Variants in PEF1 observed in about 807,000 individuals in gnomAD.
PEF1 encodes peflin.
PEF1 carries 17 observed loss-of-function variants against 32.0 expected under a neutral mutation model. The ratio of observed to expected loss-of-function variants is 0.53; its 90% CI spans 0.36 to 0.80. The LOEUF is 0.80. Ranked by LOEUF, PEF1 falls within the 30% of genes least tolerant of loss-of-function variation. PEF1 has a pLI of 0.00. For synonymous variants in PEF1, 130 were observed against 139.8 expected (o/e 0.93, Z 0.50); for missense variants, 362 against 369.1 (o/e 0.98, Z 0.16).
intron 1 of PEF1, chr1:31,644,629 G>A (rs1640502640): frequency 4.8e-6 from 7 of 1,445,306 alleles, no homozygotes; most frequent in Non-Finnish European, 6.4e-6. Flanking sequence ...GACGTCAAGG[G>A]GGCGCGACAC....
intron 1 of PEF1, among the ~76,000 whole-genome samples, chr1:31,640,270 C>A (rs1200105335): frequency 6.6e-6 from 1 of 152,154 alleles, no homozygotes; most frequent in Non-Finnish European, 1.5e-5. Flanking sequence ...AGTGTCATCT[C>A]CATTTTGCAG....
chr1:31,642,769 G>A (rs1640434521), intron 1 of PEF1, among the ~76,000 whole-genome samples: 1 of 152,160 alleles, frequency 6.6e-6, no homozygotes, highest in East Asian at 1.9e-4. Context: ...ACCAGACACT[G>A]GCATGTACTA....
At chr1:31,634,978 C>A in intron 2 of PEF1, 1 of 665,310 alleles carries the variant, frequency 1.5e-6, no homozygotes, top group Non-Finnish European at 2.8e-6. Flanking sequence ...AGAAACTCAA[C>A]AGCCAGCTAA....
chr1:31,631,209 G>C (rs149931616), intron 4 of PEF1, among the ~76,000 whole-genome samples: 14 of 152,366 alleles, frequency 9.2e-5, no homozygotes, highest in African/African-American at 3.4e-4. Context: ...AGACATCAGA[G>C]GCAGTACAGC....
chr1:31,635,517 G>C lies in PEF1; in HGVS notation c.30C>G (p.Cys10Trp). The C allele has an allele frequency of 6.6e-7, 1 of 1,511,272 alleles. No homozygotes were observed. Among genetic ancestry groups the C allele is most frequent in the Non-Finnish European group, 8.8e-7 (1 of 1,130,402 alleles). 93.6% of individuals were successfully genotyped at this position (1,511,272 alleles called of 1,614,324 possible). MASYPYRQG[C>W]PGAAGQAPGA... Reference sequence around the variant, plus strand: ...CTGGTGCTTGTCCTGCAGCTCCTGGGCAGCCCTGCAGGAAGAGCAAGATAT... The same window carrying C: ...CTGGTGCTTGTCCTGCAGCTCCTGGCCAGCCCTGCAGGAAGAGCAAGATAT... The change falls in exon 2 of 5, where the codon TGC becomes TGG. Residue 10 changes from cysteine to tryptophan, a missense_variant. Transcript: ENST00000373703.
intron 2 of PEF1, 72 bp downstream of exon 2, chr1:31,635,150 G>A: frequency 4.5e-6 from 7 of 1,562,834 alleles, no homozygotes; most frequent in East Asian, 2.2e-5. Flanking sequence ...ACACCCACAG[G>A]AAGGACAAAG....
chr1:31,641,052 C>G (rs151320573), intron 1 of PEF1, among the ~76,000 whole-genome samples: 15 of 152,264 alleles, frequency 9.9e-5, no homozygotes, highest in African/African-American at 2.6e-4. Flanking sequence ...AACAATGAGC[C>G]AAGAACCATC....
chr1:31,635,298 A>G lies in PEF1; in HGVS notation c.249T>C (p.Gly83=), dbSNP rs775042680. 1.9e-6 allele frequency: 3 copies of G among 1,613,926 alleles called. No homozygotes were observed. In the African/African-American group the frequency reaches 4.0e-5, roughly 22 times the overall value. ...PSGTPGGPYG[G]AAPGGPYGQP... ...GACCATAGGGGCCCCCGGGAGCTGC[A>G]CCGCCATATGGTCCTCCTGGAGTTC... The change falls in exon 2 of 5, where the codon GGT becomes GGC. Residue 83 remains glycine (G), a synonymous_variant. Coordinates refer to ENST00000373703, the MANE Select transcript of PEF1 (RefSeq NM_012392.4).
chr1:31,635,545 G>C (rs1199297005), intron 1 of PEF1, 23 bp from the exon 2 acceptor site: 6 of 1,505,174 alleles, frequency 4.0e-6, no homozygotes, highest in Non-Finnish European at 5.3e-6. Context: ...CAAGATATCA[G>C]TCAGAATGAT....
rs1417544737 is a variant in PEF1 at position 31,635,468 on chromosome 1, G to T, written c.79C>A (p.Pro27Thr). ...APGAPPGSYY[P>T]GPPNSGGQYG... ...TGCCCTCCACTATTGGGGGGTCCAG[G>T]GTAGTAGCTACCCGGAGGGGCTCCT... Residue 27 changes from proline (P) to threonine (T), a missense_variant, in exon 2 of 5, where the codon CCT becomes ACT. By Grantham distance (38) the Pro-to-Thr change is conservative (BLOSUM62 -1). Transcript: ENST00000373703. 3 of 1,556,836 alleles carry T rather than the reference G, an allele frequency of 1.9e-6. No individual in the cohort carries two copies. The highest frequency in any genetic ancestry group is 2.6e-6 in the Non-Finnish European group (3 of 1,150,326).
Position 31,634,857 on chromosome 1 carries a change from T to G in PEF1, c.325+365A>C, listed in dbSNP as rs531232240. On this transcript the variant is annotated intron_variant, in intron 2 of 4. Transcript: ENST00000373703. ...ACTTCAGAGAAGCTTTAAGAGGCAT[T>G]GTGCATTCTTGCTAGCTCTCCTGCT... is the stretch of plus-strand genomic sequence containing the variant. 3.0e-5 allele frequency: 14 copies of G among 472,486 alleles called. No individual in the cohort carries two copies. The East Asian group carries it at 6.5e-4, about 22-fold the overall frequency. 29.3% of individuals were successfully genotyped at this position (472,486 alleles called of 1,614,324 possible). A position where few individuals can be genotyped will look rare whatever the true frequency, so the allele number is the denominator to read the frequency against.
chr1:31,636,703 A>G (rs1640262505), intron 1 of PEF1, among the ~76,000 whole-genome samples: 1 of 152,240 alleles, frequency 6.6e-6, no homozygotes, highest in Non-Finnish European at 1.5e-5. Flanking sequence ...AACACTATTA[A>G]TAATAGCCTC....
chr1:31,634,433 A>G (rs1449438287), intron 2 of PEF1, among the ~76,000 whole-genome samples: 3 of 152,220 alleles, frequency 2.0e-5, no homozygotes, highest in African/African-American at 7.2e-5. Flanking sequence ...TTTCCCCAGA[A>G]TTGTTGTGAT....
In PEF1 at chr1:31,644,337, GA is replaced by G. The variant is rs61595140; in HGVS notation, c.24+503del. The G allele has an allele frequency of 7.0e-3, 6,897 of 978,682 alleles. 330 individuals are homozygous for G. The African/African-American group carries it at 0.11, about 15-fold the overall frequency. 60.6% of individuals were successfully genotyped at this position (978,682 alleles called of 1,614,324 possible). A position where few individuals can be genotyped will look rare whatever the true frequency, so the allele number is the denominator to read the frequency against. ...TCTCGGGGTTCACTTTTCTACACGC[GA>G]AATGGCGGTGTTGAACTAAGTCAGT... On this transcript the variant is annotated intron_variant, in intron 1 of 4. Coordinates refer to ENST00000373703, the MANE Select transcript of PEF1 (RefSeq NM_012392.4).
rs1176907783 is a variant in PEF1 at position 31,644,870 on chromosome 1, T to C, written c.-6A>G. 2 of 1,613,740 alleles carry C rather than the reference T, an allele frequency of 1.2e-6. No individual in the cohort carries two copies. Among genetic ancestry groups the C allele is most frequent in the South Asian group, 2.2e-5 (2 of 91,000 alleles). ...CGGTAAGGATAGCTGGCCATGGTGATTCTGACGTCACACTCAGGCAAGGGG... is the reference window on the plus strand; with the variant it reads ...CGGTAAGGATAGCTGGCCATGGTGACTCTGACGTCACACTCAGGCAAGGGG... On this transcript the variant is annotated 5_prime_UTR_variant, in exon 1 of 5. Transcript: ENST00000373703.
At chr1:31,642,876 C>T (rs2148627067) in intron 1 of PEF1, among the ~76,000 whole-genome samples, 1 of 152,320 alleles carries the variant, frequency 6.6e-6, no homozygotes, top group East Asian at 1.9e-4. Context: ...GAAGCTGAGG[C>T]TCAGAGCCCT....
intron 1 of PEF1, among the ~76,000 whole-genome samples, chr1:31,640,164 C>G (rs1640358838): frequency 6.6e-6 from 1 of 152,084 alleles, no homozygotes; most frequent in African/African-American, 2.4e-5. Flanking sequence ...CATCTGATGC[C>G]CTGGGGGGAC....
chr1:31,633,278 G>A lies in PEF1; in HGVS notation c.362C>T (p.Ser121Phe). Residue 121 changes from serine to phenylalanine, a missense_variant, in exon 3 of 5, where the codon TCC (serine) becomes TTC (phenylalanine). Physicochemically the swap from Ser to Phe is radical, Grantham distance 155. Coordinates refer to ENST00000373703, the MANE Select transcript of PEF1 (RefSeq NM_012392.4). The stretch of plus-strand genomic sequence containing the variant: ...ATCTGAGTCCACCGACTGGAACCAG[G>A]AGTAGGCCTCAGGATCCACATTGGG... ...APPNVDPEAY[S>F]WFQSVDSDHS... 1 of 1,613,988 alleles carries A rather than the reference G, an allele frequency of 6.2e-7. No homozygotes were observed. Among genetic ancestry groups the A allele is most frequent in the African/African-American group, 1.3e-5 (1 of 75,050 alleles).
At chr1:31,640,709 G>T (rs550385944) in intron 1 of PEF1, among the ~76,000 whole-genome samples, 2 of 152,086 alleles carry the variant, frequency 1.3e-5, no homozygotes, top group Non-Finnish European at 2.9e-5. Flanking sequence ...CTGCACTTGC[G>T]CAAGCAGTAG....
Sources: allele counts gnomAD v4.1 joint callset (sites outside exome capture counted in the v4.1 genomes callset), GRCh38; gene constraint gnomAD v4.1.1; transcripts MANE v1.5; gene names NCBI Gene and HGNC (gene_info 2026-07-23, HGNC 2026-07-21).